The following ARID1B variants were observed in gnomAD, a reference collection of about 807,000 sequenced individuals.
ARID1B encodes the protein AT-rich interaction domain 1B.
A neutral mutation model predicts 212.3 loss-of-function variants in ARID1B; 30 were observed. The ratio of observed to expected loss-of-function variants is 0.14; its 90% CI spans 0.11 to 0.19. The LOEUF is 0.19. Ranked by LOEUF, ARID1B falls within the 10% of genes least tolerant of loss-of-function variation. The probability of loss-of-function intolerance (pLI) is 1.00; values close to 1 mark genes in which losing one functional copy is unlikely to be tolerated. For missense variants in ARID1B, 2,891 were observed against 3,204.0 expected (o/e 0.90, Z 2.36); for synonymous variants, 1,402 against 1,301.7 (o/e 1.08, Z -1.66).
At chr6:156,816,667 G>A (rs933876848) in intron 1 of ARID1B, among the ~76,000 whole-genome samples, 1 of 152,208 alleles carries the variant, frequency 6.6e-6, no homozygotes, top group South Asian at 2.1e-4. Flanking sequence ...CGTTTACAGG[G>A]CAGCCACAGC....
At chr6:156,790,425 T>G (rs1779930839) in intron 1 of ARID1B, among the ~76,000 whole-genome samples, 1 of 152,226 alleles carries the variant, frequency 6.6e-6, no homozygotes, top group Non-Finnish European at 1.5e-5. Context: ...AAATTTTACT[T>G]AGTATTCCAT....
At chr6:157,028,064 T>C (rs1780774520) in intron 4 of ARID1B, among the ~76,000 whole-genome samples, 1 of 151,514 alleles carries the variant, frequency 6.6e-6, no homozygotes, top group South Asian at 2.1e-4. Flanking sequence ...TGTGTGTGTA[T>C]GTGTGTGTGT....
At chr6:157,187,136 G>A (rs956590809) in intron 13 of ARID1B, among the ~76,000 whole-genome samples, 1 of 152,190 alleles carries the variant, frequency 6.6e-6, no homozygotes, top group South Asian at 2.1e-4. Flanking sequence ...TTGTTATAAA[G>A]CATCTAGAAA....
At chr6:157,202,316 A>G (rs1203227741) in intron 18 of ARID1B, among the ~76,000 whole-genome samples, 1 of 152,264 alleles carries the variant, frequency 6.6e-6, no homozygotes, top group Non-Finnish European at 1.5e-5. Context: ...GATCTGAGTT[A>G]TATTAGGAAA....
At chr6:157,038,039 A>G (rs1026155818) in intron 4 of ARID1B, among the ~76,000 whole-genome samples, 26 of 152,328 alleles carry the variant, frequency 1.7e-4, no homozygotes, top group African/African-American at 4.8e-4. Flanking sequence ...ATTTCCTGAT[A>G]ATTTTTAAAT....
chr6:157,172,661 C>T (rs910610702), intron 9 of ARID1B: 1 of 152,200 alleles, frequency 6.6e-6, no homozygotes, highest in African/African-American at 2.4e-5. Flanking sequence ...ATTAGCACCA[C>T]AAAGCTTGCC....
At chr6:157,102,852 C>T (rs1387774829) in intron 5 of ARID1B, among the ~76,000 whole-genome samples, 1 of 152,094 alleles carries the variant, frequency 6.6e-6, no homozygotes, top group African/African-American at 2.4e-5. Context: ...CCACCTCAGC[C>T]TCCCAAAGTG....
chr6:156,829,501 TA>T, intron 2 of ARID1B, 80 bp downstream of exon 2: 2 of 1,381,348 alleles, frequency 1.4e-6, no homozygotes, highest in Non-Finnish European at 1.9e-6. Context: ...AGATTGATGT[TA>T]AAGAGAATTA....
At chr6:156,935,409 A>G in intron 3 of ARID1B, 57 bp from the exon 4 acceptor site, 1 of 1,414,096 alleles carries the variant, frequency 7.1e-7, no homozygotes, top group Non-Finnish European at 9.9e-7. Flanking sequence ...GTTACTGAAG[A>G]AGCTTATAAC....
intron 4 of ARID1B, among the ~76,000 whole-genome samples, chr6:156,987,159 CAGAGAGAGAGAGAGAGAGAG>C (rs56189333): frequency 1.4e-5 from 2 of 141,502 alleles, no homozygotes; most frequent in Non-Finnish European, 3.1e-5. Context: ...GCCTCGGTGA[CAGAGAGAGAGAGAGAGAGAG>C]AGAGAGAGAG....
intron 2 of ARID1B, among the ~76,000 whole-genome samples, chr6:156,892,857 T>C (rs2128190546): frequency 6.6e-6 from 1 of 152,240 alleles, no homozygotes; most frequent in African/African-American, 2.4e-5. Context: ...AAACTGTACT[T>C]CTTAAAACAG....
chr6:156,895,286 T>C (rs530015039), intron 2 of ARID1B, among the ~76,000 whole-genome samples: 2 of 152,344 alleles, frequency 1.3e-5, no homozygotes, highest in South Asian at 4.1e-4. Context: ...TTCTGTCTGT[T>C]AGAGGTTCAC....
At position 156,900,264 on chromosome 6, in the gene ARID1B, GA is replaced by G. The variant is rs1788810166; in HGVS notation, c.1987-1110del. ...CTGGATTGGATTGAAAGAAATATAG[GA>G]ACTTTAACTTTTTCATTTTTTCCCC... is the stretch of plus-strand genomic sequence containing the variant. On this transcript the variant is annotated intron_variant, in intron 2 of 19. Coordinates refer to ENST00000636930, the MANE Select transcript of ARID1B (RefSeq NM_001374828.1). Among the ~76,000 whole-genome samples the G allele has an allele frequency of 2.6e-5, 4 of 152,218 alleles. No individual in the cohort carries two copies. In the South Asian group the frequency reaches 8.3e-4, roughly 32 times the overall value.
intron 12 of ARID1B, among the ~76,000 whole-genome samples, chr6:157,183,746 T>C (rs1792742660): frequency 2.0e-5 from 3 of 152,160 alleles, no homozygotes; most frequent in Admixed American, 2.0e-4. Context: ...GTCCAGGGGC[T>C]CATTTGCCTT....
chr6:156,862,735 G>A (rs1029557812), intron 2 of ARID1B, among the ~76,000 whole-genome samples: 2 of 152,202 alleles, frequency 1.3e-5, no homozygotes, highest in African/African-American at 4.8e-5. Flanking sequence ...ATGTCTTGTT[G>A]TGTGGGAGCC....
chr6:157,146,623 C>T (rs994902583), intron 7 of ARID1B, among the ~76,000 whole-genome samples: 3 of 152,184 alleles, frequency 2.0e-5, no homozygotes, highest in Admixed American at 6.5e-5. Flanking sequence ...CACACACACA[C>T]ATGCATACCC....
chr6:157,055,684 CTGAG>C (rs1024846796), intron 4 of ARID1B, among the ~76,000 whole-genome samples: 20 of 152,146 alleles, frequency 1.3e-4, no homozygotes, highest in African/African-American at 4.6e-4. Context: ...ACTATTCTTC[CTGAG>C]TATCTCACAA....
chr6:156,920,639 C>A (rs2128239259), intron 3 of ARID1B, among the ~76,000 whole-genome samples: 1 of 151,976 alleles, frequency 6.6e-6, no homozygotes. Flanking sequence ...CAGTGGTCAC[C>A]TTTTTCTTTT....
At chr6:156,886,489 C>T (rs538643849) in intron 2 of ARID1B, among the ~76,000 whole-genome samples, 2 of 152,214 alleles carry the variant, frequency 1.3e-5, no homozygotes, top group Non-Finnish European at 2.9e-5. Context: ...TGCCTTACCC[C>T]GTACTGCTCT....
Sources: allele counts gnomAD v4.1 joint callset (sites outside exome capture counted in the v4.1 genomes callset), GRCh38; gene constraint gnomAD v4.1.1; transcripts MANE v1.5; gene names NCBI Gene and HGNC (gene_info 2026-07-23, HGNC 2026-07-21).